The following TULP4 variants were observed in gnomAD, a reference collection of about 807,000 sequenced individuals.
The protein encoded by TULP4 is TUB like protein 4, also known as tubby-related protein 4.
A neutral mutation model predicts 129.0 loss-of-function variants in TULP4; 16 were observed. That is an observed-to-expected ratio of 0.12 (90% CI 0.08 to 0.19). TULP4 has a LOEUF of 0.19. TULP4 is among the 10% of genes least tolerant of loss of function. The pLI, the probability that TULP4 is intolerant of heterozygous loss-of-function variation, is 1.00. For missense variants in TULP4, 1,842 were observed against 2,059.1 expected, an observed-to-expected ratio of 0.89 and a Z score of 2.04; for synonymous variants, 998 against 854.0, an observed-to-expected ratio of 1.17 and a Z score of -2.94.
At chr6:158,297,372 A>G (rs1349729674) in intron 1 of TULP4, among the ~76,000 whole-genome samples, 1 of 152,160 alleles carries the variant, frequency 6.6e-6, no homozygotes, top group Non-Finnish European at 1.5e-5. Context: ...CACTGATTTC[A>G]TATTGTTCAA....
intron 1 of TULP4, among the ~76,000 whole-genome samples, chr6:158,257,757 C>T (rs1424370474): frequency 6.6e-6 from 1 of 152,172 alleles, no homozygotes; most frequent in African/African-American, 2.4e-5. Context: ...TGATGGTATC[C>T]TGAAAACTTT....
chr6:158,434,555 G>C (rs1191205488), intron 3 of TULP4, among the ~76,000 whole-genome samples: 1 of 152,212 alleles, frequency 6.6e-6, no homozygotes, highest in Admixed American at 6.5e-5. Context: ...TTCATTGTCT[G>C]TGTTCTCCTT....
At chr6:158,504,323 T>G (rs1193061809) in intron 13 of TULP4, 145 bp downstream of exon 13, 2 of 690,884 alleles carry the variant, frequency 2.9e-6, no homozygotes, top group Non-Finnish European at 4.8e-6. Flanking sequence ...GGGTTATGGT[T>G]TTTAGTGTGC....
At chr6:158,439,883 T>G (rs539721786) in intron 3 of TULP4, among the ~76,000 whole-genome samples, 47 of 151,678 alleles carry the variant, frequency 3.1e-4, no homozygotes, top group Middle Eastern at 6.8e-3. Flanking sequence ...GGCTAATTTT[T>G]TGTATTTTTT....
intron 1 of TULP4, among the ~76,000 whole-genome samples, chr6:158,376,083 G>A (rs1375517107): frequency 6.6e-6 from 1 of 152,186 alleles, no homozygotes. Context: ...CAGAGCATTA[G>A]TGGCTGTCAC....
At chr6:158,420,654 G>GT (rs67033212) in intron 2 of TULP4, among the ~76,000 whole-genome samples, 100,287 of 150,270 alleles carry the variant, frequency 0.67, 33,834 homozygotes, top group Middle Eastern at 0.74. Flanking sequence ...GCTAATTTTT[G>GT]TTTTTTTTTA....
At chr6:158,280,955 T>C (rs1778738168), upstream of TULP4, among the ~76,000 whole-genome samples, 1 of 152,182 alleles carries the variant, frequency 6.6e-6, no homozygotes, top group African/African-American at 2.4e-5. Flanking sequence ...TAAAAAGAAA[T>C]GAATAGCAGA....
At chr6:158,380,383 C>T (rs1294526184) in intron 1 of TULP4, among the ~76,000 whole-genome samples, 2 of 152,142 alleles carry the variant, frequency 1.3e-5, no homozygotes, top group Non-Finnish European at 2.9e-5. Context: ...GCAGCCATGT[C>T]CTCAGTAGCT....
intron 1 of TULP4, among the ~76,000 whole-genome samples, chr6:158,370,482 A>T (rs867466857): frequency 0.011 from 1,574 of 149,778 alleles, 16 homozygotes; most frequent in Non-Finnish European, 0.017. Context: ...AAAAAAAAAA[A>T]AGATTGTGGC....
chr6:158,370,576 A>C (rs779220871), intron 1 of TULP4, among the ~76,000 whole-genome samples: 2 of 152,028 alleles, frequency 1.3e-5, no homozygotes, highest in African/African-American at 2.4e-5. Flanking sequence ...AAATTACATA[A>C]GTCTTCAGAG....
intron 1 of TULP4, among the ~76,000 whole-genome samples, chr6:158,383,598 C>T (rs1033630134): frequency 1.3e-5 from 2 of 152,164 alleles, no homozygotes; most frequent in East Asian, 1.9e-4. Context: ...ACTAGCCCAC[C>T]CCAGGTGAGT....
chr6:158,243,015 C>T (rs376473832), intron 1 of TULP4, among the ~76,000 whole-genome samples: 2 of 152,136 alleles, frequency 1.3e-5, no homozygotes, highest in East Asian at 3.9e-4. Flanking sequence ...TCTCGAACTC[C>T]TGACTTCGTG....
chr6:158,242,384 C>T (rs750976011), intron 1 of TULP4: 39 of 1,491,278 alleles, frequency 2.6e-5, no homozygotes, highest in Non-Finnish European at 3.0e-5. Flanking sequence ...GGTTTGTTTT[C>T]CTCTCCTCAT....
At chr6:158,299,678 C>T (rs571827832) in intron 1 of TULP4, among the ~76,000 whole-genome samples, 2 of 152,122 alleles carry the variant, frequency 1.3e-5, no homozygotes, top group Non-Finnish European at 2.9e-5. Flanking sequence ...TTGAGCAGGG[C>T]AATGTTCATC....
intron 3 of TULP4, among the ~76,000 whole-genome samples, chr6:158,434,742 G>C (rs145228904): frequency 5.9e-5 from 9 of 152,324 alleles, no homozygotes; most frequent in Non-Finnish European, 1.0e-4. Flanking sequence ...AGGTTGACAT[G>C]CTGATATGCC....
At chr6:158,265,793 C>T (rs983123723) in intron 1 of TULP4, among the ~76,000 whole-genome samples, 1 of 152,024 alleles carries the variant, frequency 6.6e-6, no homozygotes, top group African/African-American at 2.4e-5. Context: ...TTAAATCTTA[C>T]CTGTGTGCCC....
At chr6:158,323,304 C>CT (rs1583747047) in intron 1 of TULP4, among the ~76,000 whole-genome samples, 1 of 152,314 alleles carries the variant, frequency 6.6e-6, no homozygotes, top group East Asian at 1.9e-4. Context: ...GATGGTTAAA[C>CT]TAGGGTGCTG....
chr6:158,382,057 C>T (rs1777340769), intron 1 of TULP4, among the ~76,000 whole-genome samples: 1 of 152,082 alleles, frequency 6.6e-6, no homozygotes, highest in South Asian at 2.1e-4. Context: ...CTAGAAAAAG[C>T]AGCCAGGAGT....
intron 4 of TULP4, among the ~76,000 whole-genome samples, chr6:158,449,817 G>T (rs1025340513): frequency 6.6e-6 from 1 of 152,028 alleles, no homozygotes; most frequent in Non-Finnish European, 1.5e-5. Context: ...CCCAGAATCA[G>T]TGTGCAGCAC....
Sources: gnomAD v4.1 joint callset for allele counts (sites outside exome capture counted in the v4.1 genomes callset) on GRCh38, gnomAD v4.1.1 for gene constraint, MANE v1.5 for transcripts, NCBI Gene and HGNC (gene_info 2026-07-23, HGNC 2026-07-21) for gene names.